The following CCDC91 variants were observed in gnomAD, a reference collection of about 807,000 sequenced individuals.
CCDC91 encodes the protein coiled-coil domain containing 91, also known as coiled-coil domain-containing protein 91.
Under a neutral mutation model 63.2 loss-of-function variants are expected in CCDC91, and 48 were observed. The observed-to-expected ratio is 0.76, with a 90% CI of 0.60 to 0.97. The LOEUF is 0.97. Among genes scored for constraint, CCDC91 ranks in the 50% least tolerant of loss-of-function variants. The pLI, the probability that CCDC91 is intolerant of heterozygous loss-of-function variation, is 0.00. For synonymous variants in CCDC91, 167 were observed against 165.8 expected, an observed-to-expected ratio of 1.01 and a Z score of -0.06; for missense variants, 500 against 494.6, an observed-to-expected ratio of 1.01 and a Z score of -0.10.
In CCDC91 at chr12:28,361,891, G is replaced by C. The variant is rs1432194947; in HGVS notation, c.577-547G>C. On this transcript the variant is annotated intron_variant, in intron 6 of 12. Coordinates refer to ENST00000536442, the MANE Select transcript of CCDC91 (RefSeq NM_018318.5). ...TGTGTGTGTGGGAGGGGGGCGGGAG[G>C]GGGTGTTTCTTTTTGTTTTTTCTGT... is the stretch of plus-strand genomic sequence containing the variant. 4.1e-5 allele frequency among the ~76,000 whole-genome samples: 6 copies of C among 147,450 alleles called. No individual in the cohort carries two copies. The East Asian group carries it at 8.1e-4, about 20-fold the overall frequency.
intron 6 of CCDC91, among the ~76,000 whole-genome samples, chr12:28,312,252 T>C (rs1939402705): frequency 6.6e-6 from 1 of 151,858 alleles, no homozygotes; most frequent in Non-Finnish European, 1.5e-5. Context: ...TCATTCTAGA[T>C]AGAGGAAGGA....
intron 12 of CCDC91, among the ~76,000 whole-genome samples, chr12:28,537,915 G>C (rs1232721271): frequency 6.6e-6 from 1 of 152,116 alleles, no homozygotes; most frequent in Admixed American, 6.6e-5. Flanking sequence ...ATAATGGCCT[G>C]CATGTGTGTC....
At chr12:28,412,681 G>A (rs1947390481) in intron 8 of CCDC91, 1 of 444,676 alleles carries the variant, frequency 2.2e-6, no homozygotes, top group African/African-American at 2.0e-5. Context: ...TGAGCAGGTT[G>A]CTGCTGCTGG....
intron 1 of CCDC91, among the ~76,000 whole-genome samples, chr12:28,231,652 CAT>C (rs141168272): frequency 0.018 from 2,755 of 152,098 alleles, 87 homozygotes; most frequent in African/African-American, 0.062. Context: ...TGAAGATGCA[CAT>C]GTTTTTACCC....
At chr12:28,205,517 T>C (rs183387837) in intron 1 of CCDC91, among the ~76,000 whole-genome samples, 2 of 152,274 alleles carry the variant, frequency 1.3e-5, no homozygotes, top group Admixed American at 1.3e-4. Context: ...AATTGAGCAA[T>C]GAACAATTTG....
chr12:28,260,135 C>T, intron 3 of CCDC91, among the ~76,000 whole-genome samples: 1 of 151,892 alleles, frequency 6.6e-6, no homozygotes, highest in East Asian at 1.9e-4. Flanking sequence ...TAGTCTAGTC[C>T]TTTACTTCAA....
chr12:28,261,827 A>G (rs1219242954), intron 3 of CCDC91, among the ~76,000 whole-genome samples: 1 of 151,896 alleles, frequency 6.6e-6, no homozygotes. Flanking sequence ...ATCATCTGGC[A>G]CACACACACA....
chr12:28,459,061 A>G (rs1950187944), intron 11 of CCDC91, among the ~76,000 whole-genome samples: 1 of 151,914 alleles, frequency 6.6e-6, no homozygotes, highest in South Asian at 2.1e-4. Flanking sequence ...TTCACATTTC[A>G]TGCTTTTAGA....
At chr12:28,368,237 A>T (rs1224675937) in intron 7 of CCDC91, among the ~76,000 whole-genome samples, 1 of 152,256 alleles carries the variant, frequency 6.6e-6, no homozygotes, top group African/African-American at 2.4e-5. Context: ...TGGAGGTCAG[A>T]GGAAATGGAA....
intron 6 of CCDC91, among the ~76,000 whole-genome samples, chr12:28,329,063 C>T (rs972751999): frequency 9.7e-4 from 147 of 152,194 alleles, no homozygotes; most frequent in African/African-American, 3.2e-3. Context: ...ATGCATTTTT[C>T]ATACCTGGAC....
chr12:28,276,203 A>G (rs888901187), intron 3 of CCDC91, among the ~76,000 whole-genome samples: 4 of 151,972 alleles, frequency 2.6e-5, no homozygotes, highest in Non-Finnish European at 5.9e-5. Context: ...TATTGTATGT[A>G]TGTATGTTTG....
rs572715971 is a variant in CCDC91, at chr12:28,325,264, T to C, written c.576+17515T>C. On this transcript the variant is annotated intron_variant, in intron 6 of 12. Coordinates refer to ENST00000536442, the MANE Select transcript of CCDC91 (RefSeq NM_018318.5). ...ATAGATACCGTAAGTGATTTCTTTATGTAAGAAAAAGTTGCTCTGTTAGGA... is the reference window on the plus strand; with the variant it reads ...ATAGATACCGTAAGTGATTTCTTTACGTAAGAAAAAGTTGCTCTGTTAGGA... 1.9e-4 allele frequency among the ~76,000 whole-genome samples: 29 copies of C among 152,200 alleles called. No homozygotes were observed. In the South Asian group the frequency reaches 5.6e-3, roughly 29 times the overall value.
At chr12:28,300,751 A>G (rs1433242725) in intron 3 of CCDC91, among the ~76,000 whole-genome samples, 1 of 151,628 alleles carries the variant, frequency 6.6e-6, no homozygotes, top group Non-Finnish European at 1.5e-5. Flanking sequence ...TACAAGAGAT[A>G]TCTTTACCTT....
intron 1 of CCDC91, among the ~76,000 whole-genome samples, chr12:28,191,635 C>A (rs1437797385): frequency 6.6e-6 from 1 of 152,156 alleles, no homozygotes; most frequent in Non-Finnish European, 1.5e-5. Context: ...ACCCTTCCCC[C>A]CCCCACAATA....
intron 6 of CCDC91, among the ~76,000 whole-genome samples, chr12:28,332,002 A>T (rs1565810098): frequency 6.6e-6 from 1 of 152,176 alleles, no homozygotes; most frequent in African/African-American, 2.4e-5. Context: ...CTTTAAAAGA[A>T]TTGTTTATTT....
At chr12:28,207,396 C>G (rs555782360) in intron 1 of CCDC91, among the ~76,000 whole-genome samples, 1 of 152,240 alleles carries the variant, frequency 6.6e-6, no homozygotes, top group East Asian at 1.9e-4. Flanking sequence ...ATGGCAAGGG[C>G]AGTCTTTCTC....
chr12:28,280,596 A>G (rs1055001340), intron 3 of CCDC91, among the ~76,000 whole-genome samples: 7 of 152,258 alleles, frequency 4.6e-5, no homozygotes, highest in Admixed American at 2.0e-4. Context: ...AAGAACATAT[A>G]GGTAAATGAT....
At chr12:28,440,783 G>A (rs958205702) in intron 8 of CCDC91, among the ~76,000 whole-genome samples, 2 of 151,992 alleles carry the variant, frequency 1.3e-5, no homozygotes, top group African/African-American at 2.4e-5. Context: ...TAGAGGCTGG[G>A]AGCAGTGGCT....
At chr12:28,526,242 A>C (rs1044898338) in intron 12 of CCDC91, among the ~76,000 whole-genome samples, 4 of 151,580 alleles carry the variant, frequency 2.6e-5, no homozygotes, top group African/African-American at 9.7e-5. Flanking sequence ...GTGTTTCCAG[A>C]ATTTGTTTCA....
Sources: allele counts gnomAD v4.1 joint callset (sites outside exome capture counted in the v4.1 genomes callset), GRCh38; gene constraint gnomAD v4.1.1; transcripts MANE v1.5; gene names NCBI Gene and HGNC (gene_info 2026-07-23, HGNC 2026-07-21).